Variants in GPC6 observed in about 807,000 individuals in gnomAD.
GPC6 encodes glypican-6.
Under a neutral mutation model 55.2 loss-of-function variants are expected in GPC6, and 14 were observed. That is an observed-to-expected ratio of 0.25 (90% confidence interval 0.17 to 0.40). The LOEUF (loss-of-function observed/expected upper bound fraction) is 0.40. GPC6 is among the 10% of genes least tolerant of loss of function. The pLI is 1.00. For missense variants in GPC6, 641 were observed against 708.5 expected (o/e 0.90, Z 1.08); for synonymous variants, 278 against 259.6 (o/e 1.07, Z -0.68).
chr13:94,332,672 C>T (rs1877486082), intron 6 of GPC6, among the ~76,000 whole-genome samples: 1 of 152,096 alleles, frequency 6.6e-6, no homozygotes, highest in South Asian at 2.1e-4. Context: ...ATAATAATGC[C>T]GTTGTGTCGA....
chr13:94,371,907 T>C (rs767569729), intron 6 of GPC6, among the ~76,000 whole-genome samples: 10 of 152,166 alleles, frequency 6.6e-5, no homozygotes, highest in African/African-American at 1.2e-4. Flanking sequence ...CACAACATCA[T>C]GATCACACTT....
chr13:93,418,282 C>T (rs1167467514), intron 1 of GPC6, among the ~76,000 whole-genome samples: 1 of 151,610 alleles, frequency 6.6e-6, no homozygotes, highest in Non-Finnish European at 1.5e-5. Flanking sequence ...GTGTTACAAA[C>T]AATCCAATTA....
rs551049876 is a variant in GPC6, at chr13:93,837,090, G to T, written c.711+6545G>T. Among the ~76,000 whole-genome samples the T allele has an allele frequency of 2.0e-5, 3 of 152,268 alleles. No individual in the cohort carries two copies. The South Asian group carries it at 6.2e-4, about 32-fold the overall frequency. The stretch of plus-strand genomic sequence containing the variant: ...GTATGTAAATATGGAAGATTGTTAA[G>T]AAGAGAGTATAAACCAAGGAAAATG... On this transcript the variant is annotated intron_variant, in intron 3 of 8. Transcript: ENST00000377047.
intron 1 of GPC6, among the ~76,000 whole-genome samples, chr13:93,486,389 A>T (rs1372154741): frequency 6.6e-6 from 1 of 152,208 alleles, no homozygotes; most frequent in Admixed American, 6.5e-5. Flanking sequence ...ATTTTTATAG[A>T]TGCACAATTC....
chr13:93,374,015 T>G (rs574405132), intron 1 of GPC6, among the ~76,000 whole-genome samples: 2 of 152,266 alleles, frequency 1.3e-5, no homozygotes, highest in East Asian at 3.9e-4. Context: ...CTTTATAATC[T>G]AGGGATCTCA....
At chr13:93,573,911 T>C (rs968387515) in intron 2 of GPC6, among the ~76,000 whole-genome samples, 1 of 152,210 alleles carries the variant, frequency 6.6e-6, no homozygotes. Flanking sequence ...CCATTGTCTT[T>C]AGGAGATCGT....
intron 1 of GPC6, among the ~76,000 whole-genome samples, chr13:93,529,747 C>CCTCGTG (rs1224703564): frequency 6.6e-6 from 1 of 151,878 alleles, no homozygotes; most frequent in Non-Finnish European, 1.5e-5. Context: ...AAACTCCTGA[C>CCTCGTG]CTCGTGATCC....
chr13:94,191,243 G>A (rs1889383807), intron 4 of GPC6, among the ~76,000 whole-genome samples: 1 of 152,198 alleles, frequency 6.6e-6, no homozygotes, highest in African/African-American at 2.4e-5. Flanking sequence ...TAAGAAATGA[G>A]TTGATACTAG....
chr13:94,308,612 G>C (rs1001213284), intron 6 of GPC6, among the ~76,000 whole-genome samples: 1 of 152,188 alleles, frequency 6.6e-6, no homozygotes, highest in South Asian at 2.1e-4. Flanking sequence ...ACAGCATGTA[G>C]CATTTACTTC....
intron 2 of GPC6, among the ~76,000 whole-genome samples, chr13:93,783,296 G>T (rs558099629): frequency 6.6e-6 from 1 of 152,162 alleles, no homozygotes; most frequent in African/African-American, 2.4e-5. Context: ...TGCATCTATC[G>T]TTATAATAGA....
intron 2 of GPC6, among the ~76,000 whole-genome samples, chr13:93,639,628 C>G (rs779390082): frequency 1.3e-5 from 2 of 152,052 alleles, no homozygotes; most frequent in Admixed American, 1.3e-4. Context: ...CTACACATAT[C>G]TGGAATTAAA....
chr13:93,574,246 G>T (rs1876551661), intron 2 of GPC6, among the ~76,000 whole-genome samples: 1 of 152,072 alleles, frequency 6.6e-6, no homozygotes, highest in African/African-American at 2.4e-5. Context: ...TTAAGATGAG[G>T]TTATACTGGA....
chr13:93,358,829 G>T (rs186572417), intron 1 of GPC6, among the ~76,000 whole-genome samples: 2 of 152,168 alleles, frequency 1.3e-5, no homozygotes, highest in East Asian at 1.9e-4. Flanking sequence ...CAGGGGTTTT[G>T]ATTTTTGCAG....
chr13:93,554,464 C>T (rs1417465751), intron 2 of GPC6, among the ~76,000 whole-genome samples: 1 of 152,128 alleles, frequency 6.6e-6, no homozygotes, highest in Admixed American at 6.5e-5. Flanking sequence ...CTTTAAATCT[C>T]CTTGGTAAGT....
intron 3 of GPC6, among the ~76,000 whole-genome samples, chr13:93,884,742 A>G (rs1875217950): frequency 1.3e-5 from 2 of 152,108 alleles, no homozygotes; most frequent in African/African-American, 4.8e-5. Flanking sequence ...CCATGCATTT[A>G]TGGTACTTCA....
At chr13:93,397,144 A>G (rs1320550681) in intron 1 of GPC6, among the ~76,000 whole-genome samples, 1 of 152,178 alleles carries the variant, frequency 6.6e-6, no homozygotes, top group Non-Finnish European at 1.5e-5. Flanking sequence ...ATCAAATTAT[A>G]TAATTATTTT....
chr13:93,426,984 G>A (rs1877155035), intron 1 of GPC6, among the ~76,000 whole-genome samples: 1 of 150,290 alleles, frequency 6.7e-6, no homozygotes, highest in African/African-American at 2.5e-5. Flanking sequence ...TTCTCTGATG[G>A]CCAGTGATGG....
intron 1 of GPC6, among the ~76,000 whole-genome samples, chr13:93,544,608 A>G (rs7339321): frequency 0.28 from 43,051 of 152,144 alleles, 6,258 homozygotes; most frequent in African/African-American, 0.33. Context: ...TGTCGAAAGC[A>G]GTAGATAGAT....
At chr13:93,341,857 T>C (rs561190151) in intron 1 of GPC6, among the ~76,000 whole-genome samples, 1 of 152,030 alleles carries the variant, frequency 6.6e-6, no homozygotes, top group South Asian at 2.1e-4. Context: ...TCTTCTAGAA[T>C]TTTTATGGTA....
Sources: allele counts gnomAD v4.1 joint callset (sites outside exome capture counted in the v4.1 genomes callset), GRCh38; gene constraint gnomAD v4.1.1; transcripts MANE v1.5; gene names NCBI Gene and HGNC (gene_info 2026-07-23, HGNC 2026-07-21).